Variants in ARHGEF7 observed in about 807,000 individuals in gnomAD.
ARHGEF7 encodes the protein PAK-interacting exchange factor beta.
ARHGEF7 carries 33 observed loss-of-function variants against 109.8 expected under a neutral mutation model. The observed-to-expected ratio is 0.30, with a 90% CI of 0.23 to 0.40. The LOEUF (loss-of-function observed/expected upper bound fraction) is 0.40. Ranked by LOEUF, ARHGEF7 falls within the 10% of genes least tolerant of loss-of-function variation. The pLI, the probability that ARHGEF7 is intolerant of heterozygous loss-of-function variation, is 1.00. For synonymous variants in ARHGEF7, 458 were observed against 424.6 expected, an observed-to-expected ratio of 1.08 and a Z score of -0.97; for missense variants, 938 against 1,098.5, an observed-to-expected ratio of 0.85 and a Z score of 2.07.
chr13:111,241,446 G>C, intron 6 of ARHGEF7: 1 of 1,174,808 alleles, frequency 8.5e-7, no homozygotes, highest in Non-Finnish European at 1.2e-6. Flanking sequence ...CTGTGTGTTT[G>C]AGGAAAAGTT....
intron 4 of ARHGEF7, among the ~76,000 whole-genome samples, chr13:111,217,241 G>T (rs116428356): frequency 6.6e-6 from 1 of 152,330 alleles, no homozygotes; most frequent in African/African-American, 2.4e-5. Context: ...ATGGTATCTG[G>T]AAATATACTG....
At position 111,277,567 on chromosome 13, in the gene ARHGEF7, G is replaced by A. The variant is rs1289769358; in HGVS notation, c.1420-20G>A. 1 of 1,483,184 alleles carries A rather than the reference G, an allele frequency of 6.7e-7. No homozygotes were observed. The highest frequency in any genetic ancestry group is 9.4e-7 in the Non-Finnish European group (1 of 1,066,232). 91.9% of individuals were successfully genotyped at this position (1,483,184 alleles called of 1,614,324 possible). On this transcript the variant is annotated intron_variant, in intron 12 of 21. Transcript: ENST00000646102. The stretch of plus-strand genomic sequence containing the variant: ...TAGATGTTTTTTAAGAAATGTTTTG[G>A]ATTTCTTTTTTTGTATTAGGAAAAG...
At chr13:111,244,501 A>G (rs1220546112) in intron 8 of ARHGEF7, among the ~76,000 whole-genome samples, 4 of 152,160 alleles carry the variant, frequency 2.6e-5, no homozygotes, top group Non-Finnish European at 5.9e-5. Context: ...AAGACTCAAG[A>G]ATGGTGATTT....
chr13:111,303,066 G>A lies in ARHGEF7; in HGVS notation c.2542G>A (p.Val848Ile). 1.9e-6 allele frequency: 3 copies of A among 1,614,136 alleles called. No individual in the cohort carries two copies. The highest frequency in any genetic ancestry group is 2.5e-6 in the Non-Finnish European group (3 of 1,179,986). The change falls in exon 22 of 22, where the codon GTC (valine) becomes ATC (isoleucine). Residue 848 changes from valine (V) to isoleucine (I), a missense_variant. Val to Ile is a conservative substitution (Grantham distance 29, BLOSUM62 3). Transcript: ENST00000646102. ...RKDLEKLVRKVLKNMNDPAWD... is the reference protein window; with the variant it reads ...RKDLEKLVRKILKNMNDPAWD... ...AGACCTGGAGAAGCTGGTGAGGAAA[G>A]TCCTGAAGAACATGAATGATCCTGC...
At chr13:111,243,103 A>G (rs72653540) in intron 6 of ARHGEF7, among the ~76,000 whole-genome samples, 16,564 of 152,304 alleles carry the variant, frequency 0.11, 1,217 homozygotes, top group Middle Eastern at 0.2. Flanking sequence ...GATTGTTAAC[A>G]TTGATAAACC....
intron 2 of ARHGEF7, among the ~76,000 whole-genome samples, chr13:111,181,410 A>T (rs964832434): frequency 1.3e-5 from 2 of 152,188 alleles, no homozygotes. Context: ...GAAGAGGTGG[A>T]GGTCATTTTG....
chr13:111,157,221 T>G (rs2076404920), intron 2 of ARHGEF7, among the ~76,000 whole-genome samples: 1 of 152,194 alleles, frequency 6.6e-6, no homozygotes, highest in South Asian at 2.1e-4. Flanking sequence ...AAAATTTAAT[T>G]ACTGTTGGAA....
chr13:111,273,974 A>T lies in ARHGEF7; in HGVS notation c.1212+22A>T. The T allele has an allele frequency of 6.2e-7, 1 of 1,612,048 alleles. No homozygotes were observed. The highest frequency in any genetic ancestry group is 8.5e-7 in the Non-Finnish European group (1 of 1,178,290). On this transcript the variant is annotated intron_variant, in intron 10 of 21. Transcript: ENST00000646102. The surrounding 1 kb of genome is among the most constrained non-coding windows in gnomAD (Gnocchi z 4.5). Reference sequence around the variant, plus strand: ...GGAGGTACTGCGCTTTCATTCTCTTACTTGGAGTCCTTACCAAGGGTTAGT... The same window carrying T: ...GGAGGTACTGCGCTTTCATTCTCTTTCTTGGAGTCCTTACCAAGGGTTAGT...
intron 4 of ARHGEF7, among the ~76,000 whole-genome samples, chr13:111,211,964 C>T (rs1160949867): frequency 6.6e-6 from 1 of 152,190 alleles, no homozygotes; most frequent in Non-Finnish European, 1.5e-5. Flanking sequence ...CTTCCATCCC[C>T]CAGGCGAGGA....
chr13:111,268,215 A>T (rs2091833347), intron 9 of ARHGEF7, among the ~76,000 whole-genome samples: 1 of 152,178 alleles, frequency 6.6e-6, no homozygotes, highest in Admixed American at 6.5e-5. Context: ...CAGCTGTTTC[A>T]GTTACTGAGG....
At position 111,273,891 on chromosome 13, in the gene ARHGEF7, A is replaced by T; in HGVS notation, c.1151A>T (p.Lys384Ile). The change falls in exon 10 of 22, where the codon AAA becomes ATA. Residue 384 changes from lysine to isoleucine, a missense_variant. Around this residue, in one of 4 missense-constraint regions of ARHGEF7, gnomAD observed 585 missense variants for 723.6 expected, o/e 0.81. Coordinates refer to ENST00000646102, the MANE Select transcript of ARHGEF7 (RefSeq NM_001354046.2). This position sits in a 1 kb window ranked among gnomAD's most constrained non-coding sequence, Gnocchi z 4.5. ...GILVLTTGLS[K>I]PFMRLDKYPT... is the part of the protein sequence containing the mutation. ...CTCGTGCTGACCACGGGCCTGAGCA[A>T]ACCCTTCATGCGCCTGGATAAATAC... 1.9e-6 allele frequency: 3 copies of T among 1,614,208 alleles called. No homozygotes were observed. Among genetic ancestry groups the T allele is most frequent in the Non-Finnish European group, 2.5e-6 (3 of 1,180,032 alleles).
chr13:111,251,807 C>G (rs975329288), intron 8 of ARHGEF7, among the ~76,000 whole-genome samples: 1 of 152,242 alleles, frequency 6.6e-6, no homozygotes, highest in African/African-American at 2.4e-5. Flanking sequence ...TGCATTCATT[C>G]TCCCGGAACC....
intron 1 of ARHGEF7, among the ~76,000 whole-genome samples, chr13:111,137,530 C>A (rs900733723): frequency 6.6e-6 from 1 of 152,222 alleles, no homozygotes; most frequent in Non-Finnish European, 1.5e-5. Flanking sequence ...TAGTTCAAGA[C>A]AGAGCAGACC....
intron 8 of ARHGEF7, among the ~76,000 whole-genome samples, chr13:111,256,509 A>G (rs1261608488): frequency 6.6e-6 from 1 of 152,080 alleles, no homozygotes; most frequent in Non-Finnish European, 1.5e-5. Context: ...CTCTGAAGTC[A>G]GCCTTTCTGG....
intron 8 of ARHGEF7, among the ~76,000 whole-genome samples, chr13:111,265,940 G>A (rs1023842580): frequency 6.6e-6 from 1 of 152,200 alleles, no homozygotes; most frequent in Admixed American, 6.5e-5. Flanking sequence ...CAGCAGGGGC[G>A]GACTGAGGCC....
intron 5 of ARHGEF7, among the ~76,000 whole-genome samples, chr13:111,231,389 A>G (rs1447338110): frequency 6.6e-6 from 1 of 152,086 alleles, no homozygotes; most frequent in Non-Finnish European, 1.5e-5. Flanking sequence ...TCCTGTGGGC[A>G]GAGAGAATTC....
intron 2 of ARHGEF7, among the ~76,000 whole-genome samples, chr13:111,173,035 C>A (rs1004783013): frequency 2.6e-5 from 4 of 152,250 alleles, no homozygotes; most frequent in Admixed American, 1.3e-4. Context: ...TATGAAAAAA[C>A]CATTCCACTT....
chr13:111,156,281 A>G (rs1439196532), intron 2 of ARHGEF7, among the ~76,000 whole-genome samples: 1 of 152,190 alleles, frequency 6.6e-6, no homozygotes, highest in African/African-American at 2.4e-5. Context: ...TTCAATAAAT[A>G]TTTGTTACTA....
chr13:111,192,212 A>G (rs2079972813), intron 2 of ARHGEF7, among the ~76,000 whole-genome samples: 1 of 152,114 alleles, frequency 6.6e-6, no homozygotes, highest in Non-Finnish European at 1.5e-5. Context: ...TCCAAAATTT[A>G]ACTCGGGTGT....
Sources: gnomAD v4.1 joint callset for allele counts (sites outside exome capture counted in the v4.1 genomes callset) on GRCh38, gnomAD v4.1.1 for gene constraint, gnomAD v4.1.1 regional missense constraint, Gnocchi (gnomAD v3.1) non-coding constraint, MANE v1.5 for transcripts, NCBI Gene and HGNC (gene_info 2026-07-23, HGNC 2026-07-21) for gene names.